INTS7: variants seen among roughly 807,000 people sequenced by gnomAD.
The protein encoded by INTS7 is chromosome 1 open reading frame 73.
In INTS7, 46 loss-of-function variants were observed where a neutral mutation model predicts 109.2. The observed-to-expected ratio is 0.42, with a 90% confidence interval of 0.33 to 0.54. The LOEUF is 0.54. Among genes scored for constraint, INTS7 ranks in the 20% least tolerant of loss-of-function variants. The pLI, the probability that INTS7 is intolerant of heterozygous loss-of-function variation, is 0.07. For missense variants in INTS7, 929 were observed against 1,132.4 expected (o/e 0.82, Z 2.58); for synonymous variants, 412 against 402.9 (o/e 1.02, Z -0.27).
At chr1:211,975,024 G>A (rs1664357512) in intron 13 of INTS7, 142 bp downstream of exon 13, 2 of 622,912 alleles carry the variant, frequency 3.2e-6, no homozygotes, top group Non-Finnish European at 5.7e-6. Context: ...GTTAAAAAGG[G>A]GAAAAGGTTA....
rs1275404065 is a variant in INTS7 at position 211,953,578 on chromosome 1, G to A, written c.2184-877C>T. Among the ~76,000 whole-genome samples the A allele has an allele frequency of 3.2e-5, 4 of 126,080 alleles. No individual in the cohort carries two copies. In the Admixed American group the frequency reaches 3.8e-4, roughly 12 times the overall value. 82.7% of individuals were successfully genotyped at this position (126,080 alleles called of 152,430 possible). A position where few individuals can be genotyped will look rare whatever the true frequency, so the allele number is the denominator to read the frequency against. On this transcript the variant is annotated intron_variant, in intron 16 of 19. Coordinates refer to ENST00000366994, the MANE Select transcript of INTS7 (RefSeq NM_015434.4). ...CCCCCACCCCACAACAGTCCCTAGA[G>A]TGTGATGTTCTCCTTCCTGTGTCCA...
chr1:211,974,535 T>C (rs1205618982), intron 13 of INTS7, among the ~76,000 whole-genome samples: 2 of 152,008 alleles, frequency 1.3e-5, no homozygotes, highest in African/African-American at 4.8e-5. Context: ...ACGTTGATTA[T>C]ATAACTTCTT....
intron 7 of INTS7, among the ~76,000 whole-genome samples, chr1:212,004,278 G>T (rs1165390810): frequency 6.6e-6 from 1 of 152,090 alleles, no homozygotes; most frequent in Non-Finnish European, 1.5e-5. Context: ...GGAGGCAGAG[G>T]TTGCAGTAAG....
rs1662578996 is a variant in INTS7, at chr1:211,940,438, C to T, written c.*1386G>A. Reference sequence around the variant, plus strand: ...CAGATATTTATTTAAAAAGGAAATTCCAGGGAAAGTACCCTGCTTTACCTT... The same window carrying T: ...CAGATATTTATTTAAAAAGGAAATTTCAGGGAAAGTACCCTGCTTTACCTT... On this transcript the variant is annotated 3_prime_UTR_variant, in exon 20 of 20. Coordinates refer to ENST00000366994, the MANE Select transcript of INTS7 (RefSeq NM_015434.4). 6.6e-6 allele frequency: 1 copy of T among 152,040 alleles called. No homozygotes were observed. Among genetic ancestry groups the T allele is most frequent in the African/African-American group, 2.4e-5 (1 of 41,388 alleles). The allele number at this position is 152,040 out of a possible 1,614,324, so 9.4% of individuals were successfully genotyped here.
rs923639275 is a variant in INTS7, at chr1:211,941,251, C to T, written c.*573G>A. ...CGGTCAAATTTACCAATTCAGTGAT[C>T]TCAACATGTGACTATTCTTGAAAGA... On this transcript the variant is annotated 3_prime_UTR_variant, in exon 20 of 20. Coordinates refer to ENST00000366994, the MANE Select transcript of INTS7 (RefSeq NM_015434.4). 1.3e-5 allele frequency: 2 copies of T among 152,450 alleles called. No individual in the cohort carries two copies. Among genetic ancestry groups the T allele is most frequent in the African/African-American group, 4.8e-5 (2 of 41,426 alleles). The allele number at this position is 152,450 out of a possible 1,614,324, so 9.4% of individuals were successfully genotyped here.
intron 7 of INTS7, among the ~76,000 whole-genome samples, chr1:211,993,276 C>T (rs1665222940): frequency 6.6e-6 from 1 of 152,220 alleles, no homozygotes; most frequent in South Asian, 2.1e-4. Context: ...AAATTAGAAG[C>T]TCTCAGAAGA....
intron 7 of INTS7, among the ~76,000 whole-genome samples, chr1:211,989,619 C>T (rs753071637): frequency 2.0e-5 from 3 of 151,750 alleles, no homozygotes; most frequent in African/African-American, 4.8e-5. Flanking sequence ...GTCAGGAGTT[C>T]GAGACCAGCC....
chr1:212,029,582 GGTTCATGAT>G (rs1273939732), intron 1 of INTS7, among the ~76,000 whole-genome samples: 1 of 152,206 alleles, frequency 6.6e-6, no homozygotes, highest in African/African-American at 2.4e-5. Flanking sequence ...AGTAAGACAA[GGTTCATGAT>G]ATGGGACATT....
chr1:212,012,515 G>T (rs1666205717), intron 4 of INTS7, among the ~76,000 whole-genome samples: 1 of 152,160 alleles, frequency 6.6e-6, no homozygotes, highest in Non-Finnish European at 1.5e-5. Flanking sequence ...AGCAATTTGG[G>T]ATTGCTGAGG....
intron 13 of INTS7, among the ~76,000 whole-genome samples, chr1:211,971,915 C>CAAAAAAAAAAAAAAAAAAAGAAAAAA (rs1664190065): frequency 1.3e-5 from 1 of 79,820 alleles, no homozygotes. Context: ...AACTCAGTCT[C>CAAAAAAAAAAAAAAAAAAAGAAAAAA]AAAAAAAAAA....
At chr1:212,031,368 A>G (rs987270873) in intron 1 of INTS7, among the ~76,000 whole-genome samples, 1 of 152,238 alleles carries the variant, frequency 6.6e-6, no homozygotes, top group Non-Finnish European at 1.5e-5. Flanking sequence ...TGCATCCTTT[A>G]TATTGCCAAT....
chr1:211,991,061 A>T (rs1029864984), intron 7 of INTS7, among the ~76,000 whole-genome samples: 3 of 152,226 alleles, frequency 2.0e-5, no homozygotes, highest in Non-Finnish European at 4.4e-5. Context: ...GTGAATGAGT[A>T]TGACAGACAT....
chr1:211,969,906 G>T (rs148016735), intron 13 of INTS7, among the ~76,000 whole-genome samples: 3,050 of 152,020 alleles, frequency 0.02, 31 homozygotes, highest in African/African-American at 0.026. Flanking sequence ...TTTTAGTAGA[G>T]ACGGGGTTTC....
At chr1:212,004,086 T>G (rs1180044633) in intron 7 of INTS7, among the ~76,000 whole-genome samples, 3 of 152,256 alleles carry the variant, frequency 2.0e-5, no homozygotes, top group African/African-American at 7.2e-5. Flanking sequence ...GGCTCACACC[T>G]GTAATCTCAG....
chr1:211,940,648 A>G lies in INTS7; in HGVS notation c.*1176T>C, dbSNP rs1233012604. On this transcript the variant is annotated 3_prime_UTR_variant, in exon 20 of 20. Transcript: ENST00000366994. ...GTTTTCAACCAGAATTAAAATAGGA[A>G]AAAAGGGGGTTTTCTGGCTAACCAG... 6.6e-6 allele frequency: 1 copy of G among 152,140 alleles called. No individual in the cohort carries two copies. Among genetic ancestry groups the G allele is most frequent in the Middle Eastern group, 3.2e-3 (1 of 316 alleles). The allele number at this position is 152,140 out of a possible 1,614,324, so 9.4% of individuals were successfully genotyped here.
intron 16 of INTS7, among the ~76,000 whole-genome samples, chr1:211,960,664 T>C (rs1317056682): frequency 6.6e-6 from 1 of 152,150 alleles, no homozygotes; most frequent in Non-Finnish European, 1.5e-5. Context: ...CATAATGCAA[T>C]CCTTAAAATT....
chr1:211,993,538 G>A (rs531276488), intron 7 of INTS7, among the ~76,000 whole-genome samples: 3,029 of 152,106 alleles, frequency 0.02, 31 homozygotes, highest in African/African-American at 0.025. Context: ...AAATTAGCTA[G>A]GCGTGGTGGC....
rs1261587161 is a variant in INTS7 at position 211,941,925 on chromosome 1, A to AT, written c.2787dup (p.Ser930IlefsTer38). ...TGCTGGGAATAAGGGTCTTCCAGGG[A>AT]TTTTACAAATATGGTAGTTCTGGGA... On this transcript the variant is annotated frameshift_variant, in exon 20 of 20. Transcript: ENST00000366994. LOFTEE classifies it high-confidence loss of function. 1 of 1,613,968 alleles carries AT rather than the reference A, an allele frequency of 6.2e-7. No homozygotes were observed. Among genetic ancestry groups the AT allele is most frequent in the Admixed American group, 1.7e-5 (1 of 59,990 alleles).
chr1:212,000,437 T>C (rs1408977467), intron 7 of INTS7, among the ~76,000 whole-genome samples: 2 of 152,030 alleles, frequency 1.3e-5, no homozygotes, highest in East Asian at 3.8e-4. Flanking sequence ...TCTTAACCAC[T>C]CCAGAGTATA....
Sources: allele counts gnomAD v4.1 joint callset (sites outside exome capture counted in the v4.1 genomes callset), GRCh38; gene constraint gnomAD v4.1.1; transcripts MANE v1.5; gene names NCBI Gene and HGNC (gene_info 2026-07-23, HGNC 2026-07-21).